Variants in AMOTL1 observed in about 807,000 individuals in gnomAD.
AMOTL1 encodes angiomotin-like protein 1.
AMOTL1 carries 45 observed loss-of-function variants against 102.9 expected under a neutral mutation model. The observed-to-expected ratio is 0.44, with a 90% CI of 0.34 to 0.56. The LOEUF is 0.56. Ranked by LOEUF, AMOTL1 falls within the 20% of genes least tolerant of loss-of-function variation. The pLI is 0.01. For missense variants in AMOTL1, 1,114 were observed against 1,225.6 expected (o/e 0.91, Z 1.36); for synonymous variants, 481 against 484.7 (o/e 0.99, Z 0.10).
At chr11:94,808,965 C>CTTTTTTTTTTTTT (rs199619372) in intron 3 of AMOTL1, among the ~76,000 whole-genome samples, 144 of 111,892 alleles carry the variant, frequency 1.3e-3, no homozygotes, top group Non-Finnish European at 1.6e-3. Context: ...TTCTTTCTTT[C>CTTTTTTTTTTTTT]TTTTTTTTTT....
intron 1 of AMOTL1, among the ~76,000 whole-genome samples, chr11:94,787,662 T>C (rs1418670680): frequency 5.6e-5 from 6 of 107,708 alleles, no homozygotes; most frequent in Non-Finnish European, 1.0e-4. Context: ...CACTCCAGCC[T>C]GGGCGACAGA....
chr11:94,734,338 G>A (rs558311627), intron 2 of AMOTL1, among the ~76,000 whole-genome samples: 301 of 152,154 alleles, frequency 2.0e-3, no homozygotes, highest in Non-Finnish European at 3.6e-3. Flanking sequence ...TTTCATTTAG[G>A]GAAAATAAAA....
chr11:94,855,679 C>G (rs1237575854), intron 8 of AMOTL1, among the ~76,000 whole-genome samples: 1 of 152,192 alleles, frequency 6.6e-6, no homozygotes, highest in Non-Finnish European at 1.5e-5. Context: ...AAACCAGACT[C>G]ACCTCCGTTA....
intron 3 of AMOTL1, among the ~76,000 whole-genome samples, chr11:94,805,987 C>G (rs900962756): frequency 6.6e-6 from 1 of 152,162 alleles, no homozygotes; most frequent in South Asian, 2.1e-4. Context: ...TGTGGTATGA[C>G]CTATTCCCCA....
intron 6 of AMOTL1, among the ~76,000 whole-genome samples, chr11:94,842,406 C>G (rs1272351498): frequency 6.6e-6 from 1 of 152,048 alleles, no homozygotes; most frequent in Non-Finnish European, 1.5e-5. Flanking sequence ...CAAAAGAACC[C>G]CCACCTCAAA....
Position 94,749,448 on chromosome 11 carries a change from T to C in AMOTL1, c.136+8460T>C, listed in dbSNP as rs1484088122. Among the ~76,000 whole-genome samples the C allele has an allele frequency of 2.0e-5, 3 of 152,284 alleles. No homozygotes were observed. In the East Asian group the frequency reaches 5.8e-4, roughly 29 times the overall value. ...TCTACCTACTCAAATGCCAGCCTCT[T>C]CTGGAAACACCCTCACAGACACACC... is the stretch of plus-strand genomic sequence containing the variant. On this transcript the variant is annotated intron_variant, in intron 3 of 4. Transcript: ENST00000299004.
intron 1 of AMOTL1, among the ~76,000 whole-genome samples, chr11:94,725,740 T>C (rs1950247418): frequency 1.3e-5 from 2 of 152,072 alleles, no homozygotes; most frequent in Non-Finnish European, 2.9e-5. Context: ...TTGCTAGAGC[T>C]CTAGGAATGG....
chr11:94,876,445 C>G lies in AMOTL1; in HGVS notation c.*5650C>G, dbSNP rs1474936960. On this transcript the variant is annotated 3_prime_UTR_variant, in exon 13 of 13. Transcript: ENST00000433060. Reference sequence around the variant, plus strand: ...CCGGCTCTTCCCAGCAGACTGGTATCTGGCTGTAACGTTTGACGTCTTCAT... The same window carrying G: ...CCGGCTCTTCCCAGCAGACTGGTATGTGGCTGTAACGTTTGACGTCTTCAT... 6.6e-6 allele frequency: 1 copy of G among 152,620 alleles called. No individual in the cohort carries two copies. Among genetic ancestry groups the G allele is most frequent in the Non-Finnish European group, 1.5e-5 (1 of 68,092 alleles). The allele number at this position is 152,620 out of a possible 1,614,324, so 9.5% of individuals were successfully genotyped here. A position where few individuals can be genotyped will look rare whatever the true frequency, so the allele number is the denominator to read the frequency against.
intron 1 of AMOTL1, among the ~76,000 whole-genome samples, chr11:94,728,466 GA>G: frequency 6.6e-6 from 1 of 152,184 alleles, no homozygotes; most frequent in African/African-American, 2.4e-5. Flanking sequence ...GTTCATTGTT[GA>G]AAATGCAGAA....
At position 94,865,957 on chromosome 11, in the gene AMOTL1, T is replaced by C. The variant is rs1952873988; in HGVS notation, c.2277T>C (p.His759=). The change falls in exon 11 of 13, where the codon CAT becomes CAC. Residue 759 remains histidine (H), a synonymous_variant. Coordinates refer to ENST00000433060, the MANE Select transcript of AMOTL1 (RefSeq NM_130847.3). The part of the protein sequence containing the change: ...QDMEYTIKNL[H]AKIIEKDAMI... ...TGTTTTACAGTATTAAAAATCTCCA[T>C]GCCAAAATCATAGAGAAAGATGCTA... 4 of 1,613,752 alleles carry C rather than the reference T, an allele frequency of 2.5e-6. No homozygotes were observed. Among genetic ancestry groups the C allele is most frequent in the African/African-American group, 1.3e-5 (1 of 75,052 alleles).
rs146645458 is a variant in AMOTL1 at position 94,759,973 on chromosome 11, A to G, written c.136+18985A>G. ...AGCACAATCAGATAATTTGTTGCCAATGCAAATTCTTGGGCCCCATCCAGG... is the reference window on the plus strand; with the variant it reads ...AGCACAATCAGATAATTTGTTGCCAGTGCAAATTCTTGGGCCCCATCCAGG... On this transcript the variant is annotated intron_variant, in intron 3 of 4. Transcript: ENST00000299004. 4.2e-3 allele frequency among the ~76,000 whole-genome samples: 638 copies of G among 152,358 alleles called. 8 individuals carry two copies. The highest frequency in any genetic ancestry group is 0.014 in the African/African-American group (585 of 41,582).
chr11:94,862,902 T>A (rs954966863), intron 9 of AMOTL1, among the ~76,000 whole-genome samples: 3 of 152,244 alleles, frequency 2.0e-5, no homozygotes, highest in Non-Finnish European at 4.4e-5. Context: ...ACTTTGCACT[T>A]TTCTGAGCCA....
intron 3 of AMOTL1, among the ~76,000 whole-genome samples, chr11:94,749,509 T>C (rs1322422512): frequency 6.6e-6 from 1 of 152,224 alleles, no homozygotes; most frequent in African/African-American, 2.4e-5. Context: ...TAGGTATCCC[T>C]GAATTCAGTC....
intron 3 of AMOTL1, among the ~76,000 whole-genome samples, chr11:94,810,055 T>C (rs547128939): frequency 1.7e-3 from 254 of 152,350 alleles, no homozygotes; most frequent in Non-Finnish European, 2.8e-3. Context: ...TAACCTGTTT[T>C]ATTACTCCAG....
intron 1 of AMOTL1, among the ~76,000 whole-genome samples, chr11:94,784,508 T>G (rs1211074378): frequency 6.6e-6 from 1 of 152,228 alleles, no homozygotes; most frequent in Non-Finnish European, 1.5e-5. Flanking sequence ...CTACTGACTT[T>G]AAATCTGAAT....
chr11:94,829,958 G>A, intron 4 of AMOTL1, 92 bp from the exon 5 acceptor site: 1 of 1,285,934 alleles, frequency 7.8e-7, no homozygotes, highest in Non-Finnish European at 1.1e-6. Flanking sequence ...TGAAGATACA[G>A]CCTTCACACT....
chr11:94,864,564 A>G (rs1012450989), intron 9 of AMOTL1, among the ~76,000 whole-genome samples, 171 bp from the exon 10 acceptor site: 4 of 152,174 alleles, frequency 2.6e-5, no homozygotes, highest in Non-Finnish European at 5.9e-5. Context: ...ATCAGATGAG[A>G]TTGATAACTG....
At chr11:94,716,260 C>T (rs1266903463) in intron 1 of AMOTL1, among the ~76,000 whole-genome samples, 5 of 152,090 alleles carry the variant, frequency 3.3e-5, no homozygotes, top group Non-Finnish European at 7.4e-5. Context: ...TCAAGAAAAT[C>T]TGTAACTGTT....
chr11:94,871,027 G>T lies in AMOTL1; in HGVS notation c.*232G>T. On this transcript the variant is annotated 3_prime_UTR_variant, in exon 13 of 13. Coordinates refer to ENST00000433060, the MANE Select transcript of AMOTL1 (RefSeq NM_130847.3). ...ACATGGTGGAAGAGAGAAGAGGCGTGTAGGTTTGCAAACAAAGTTAAGAAA... is the reference window on the plus strand; with the variant it reads ...ACATGGTGGAAGAGAGAAGAGGCGTTTAGGTTTGCAAACAAAGTTAAGAAA... The T allele has an allele frequency of 2.5e-6, 1 of 405,194 alleles. No individual in the cohort carries two copies. Among genetic ancestry groups the T allele is most frequent in the Non-Finnish European group, 4.4e-6 (1 of 227,678 alleles). The allele number at this position is 405,194 out of a possible 1,614,324, so 25.1% of individuals were successfully genotyped here.
Sources: gnomAD v4.1 joint callset for allele counts (sites outside exome capture counted in the v4.1 genomes callset) on GRCh38, gnomAD v4.1.1 for gene constraint, MANE v1.5 for transcripts, NCBI Gene and HGNC (gene_info 2026-07-23, HGNC 2026-07-21) for gene names.